The following NCOA7 variants were observed in gnomAD, a reference collection of about 807,000 sequenced individuals.
NCOA7 encodes nuclear receptor coactivator 7.
Under a neutral mutation model 104.3 loss-of-function variants are expected in NCOA7, and 45 were observed. That is an observed-to-expected ratio of 0.43 (90% CI 0.34 to 0.55). The LOEUF is 0.55. NCOA7 is among the 20% of genes least tolerant of loss of function. NCOA7 has a pLI of 0.02. For synonymous variants in NCOA7, 398 were observed against 402.3 expected (o/e 0.99, Z 0.13); for missense variants, 1,041 against 1,119.7 (o/e 0.93, Z 1.00).
At chr6:125,787,605 C>G (rs192699324), upstream of NCOA7, among the ~76,000 whole-genome samples, 1 of 152,288 alleles carries the variant, frequency 6.6e-6, no homozygotes, top group East Asian at 1.9e-4. Flanking sequence ...AGTTAAATGA[C>G]AAATCCACCT....
intron 3 of NCOA7, among the ~76,000 whole-genome samples, chr6:125,870,219 C>T (rs893420586): frequency 2.6e-5 from 4 of 152,144 alleles, no homozygotes; most frequent in African/African-American, 9.7e-5. Flanking sequence ...AATCTCATTA[C>T]TCTTACTCCC....
intron 1 of NCOA7, among the ~76,000 whole-genome samples, chr6:125,791,330 G>A (rs1329160421): frequency 6.6e-6 from 1 of 152,264 alleles, no homozygotes; most frequent in African/African-American, 2.4e-5. Flanking sequence ...GTGCGCGCCA[G>A]TACGAGAGTG....
At chr6:125,899,262 A>G (rs1785292295) in intron 10 of NCOA7, among the ~76,000 whole-genome samples, 1 of 152,228 alleles carries the variant, frequency 6.6e-6, no homozygotes, top group Admixed American at 6.5e-5. Flanking sequence ...GAATTAAAGG[A>G]ATTACAAACT....
At chr6:125,925,253 A>T (rs1787923816) in intron 13 of NCOA7, among the ~76,000 whole-genome samples, 1 of 152,188 alleles carries the variant, frequency 6.6e-6, no homozygotes, top group Non-Finnish European at 1.5e-5. Context: ...GTTCAAGCCA[A>T]AGGGCACTCT....
At chr6:125,810,207 A>T (rs1025974638) in intron 1 of NCOA7, 2 of 152,098 alleles carry the variant, frequency 1.3e-5, no homozygotes, top group African/African-American at 4.8e-5. Context: ...CAGCTGTGTG[A>T]CCCACAGCTG....
At chr6:125,898,119 C>G (rs112249545) in intron 10 of NCOA7, among the ~76,000 whole-genome samples, 6,396 of 152,258 alleles carry the variant, frequency 0.042, 219 homozygotes, top group Non-Finnish European at 0.06. Context: ...CTCTTTCTAT[C>G]TTCTTTTTCT....
intron 3 of NCOA7, among the ~76,000 whole-genome samples, chr6:125,856,929 A>G (rs1425715460): frequency 6.6e-6 from 1 of 152,198 alleles, no homozygotes; most frequent in African/African-American, 2.4e-5. Flanking sequence ...CCAAGATAAA[A>G]TGGACTGCCC....
intron 2 of NCOA7, among the ~76,000 whole-genome samples, chr6:125,829,558 G>A (rs2128589919): frequency 6.6e-6 from 1 of 152,306 alleles, no homozygotes; most frequent in Admixed American, 6.5e-5. Context: ...ATCCTCTCCA[G>A]CAAAGGAAGC....
At chr6:125,818,980 C>T (rs1450660560) in intron 2 of NCOA7, 1 of 152,200 alleles carries the variant, frequency 6.6e-6, no homozygotes, top group Non-Finnish European at 1.5e-5. Context: ...ACATAAATCT[C>T]AACTGGTGTT....
At chr6:125,890,027 C>T in intron 9 of NCOA7, 46 bp downstream of exon 9, 2 of 1,394,780 alleles carry the variant, frequency 1.4e-6, no homozygotes, top group Non-Finnish European at 9.5e-7. Flanking sequence ...TGCATAATTG[C>T]CTTTCTACAA....
intron 1 of NCOA7, among the ~76,000 whole-genome samples, chr6:125,807,844 T>C (rs1776601858): frequency 6.6e-6 from 1 of 152,196 alleles, no homozygotes. Context: ...GCAACTGAGG[T>C]TGGTCAGTCA....
intron 3 of NCOA7, among the ~76,000 whole-genome samples, chr6:125,857,157 A>G (rs1311450835): frequency 6.6e-6 from 1 of 152,214 alleles, no homozygotes. Flanking sequence ...TACTATTAAT[A>G]AACTTCCTTT....
intron 10 of NCOA7, among the ~76,000 whole-genome samples, chr6:125,891,216 A>G (rs1408785981): frequency 2.0e-5 from 3 of 152,216 alleles, no homozygotes; most frequent in Non-Finnish European, 4.4e-5. Flanking sequence ...CTAGGGAATG[A>G]AAGATTTATT....
intron 10 of NCOA7, among the ~76,000 whole-genome samples, chr6:125,896,065 C>CATAT (rs769020319): frequency 3.4e-5 from 5 of 145,078 alleles, no homozygotes; most frequent in Admixed American, 2.1e-4. Context: ...ATACATAATA[C>CATAT]ATATATATAT....
At chr6:125,791,902 G>C (rs956837110) in intron 1 of NCOA7, among the ~76,000 whole-genome samples, 1 of 152,088 alleles carries the variant, frequency 6.6e-6, no homozygotes, top group Admixed American at 6.6e-5. Context: ...AGAGCTTTTG[G>C]CAAGATTCCC....
chr6:125,788,511 T>C (rs1774572840), upstream of NCOA7, among the ~76,000 whole-genome samples: 1 of 151,972 alleles, frequency 6.6e-6, no homozygotes, highest in Admixed American at 6.6e-5. Context: ...AGATGGATTC[T>C]TACATTCCTT....
intron 5 of NCOA7, 140 bp from the exon 6 acceptor site, chr6:125,880,950 T>TG: frequency 1.5e-6 from 1 of 645,448 alleles, no homozygotes; most frequent in Non-Finnish European, 2.8e-6. Context: ...AACCGTAAGT[T>TG]GCTTATGAGT....
intron 2 of NCOA7, among the ~76,000 whole-genome samples, chr6:125,822,407 A>T (rs182004697): frequency 6.6e-6 from 1 of 152,238 alleles, no homozygotes; most frequent in East Asian, 1.9e-4. Context: ...AAGTAATTTC[A>T]CAAGCATTCT....
At chr6:125,783,882 T>C (rs1043859771) in intron 1 of NCOA7, among the ~76,000 whole-genome samples, 1 of 152,220 alleles carries the variant, frequency 6.6e-6, no homozygotes, top group African/African-American at 2.4e-5. Flanking sequence ...TAAATGGAGT[T>C]TCCTCATTGT....
Sources: gnomAD v4.1 joint callset for allele counts (sites outside exome capture counted in the v4.1 genomes callset) on GRCh38, gnomAD v4.1.1 for gene constraint, MANE v1.5 for transcripts, NCBI Gene and HGNC (gene_info 2026-07-23, HGNC 2026-07-21) for gene names.